PBX4: variants seen among roughly 807,000 people sequenced by gnomAD.
PBX4 encodes the protein PBX homeobox 4.
A neutral mutation model predicts 35.1 loss-of-function variants in PBX4; 26 were observed. That is an observed-to-expected ratio of 0.74 (90% confidence interval 0.54 to 1.03). The LOEUF (loss-of-function observed/expected upper bound fraction) is 1.03, where lower values mean the gene tolerates loss of function less well. PBX4 is among the 50% of genes least tolerant of loss of function. The pLI is 0.00. For synonymous variants in PBX4, 199 were observed against 204.2 expected (o/e 0.97, Z 0.22); for missense variants, 448 against 504.3 (o/e 0.89, Z 1.07).
intron 1 of PBX4, among the ~76,000 whole-genome samples, chr19:19,604,410 C>T (rs192185022): frequency 7.6e-5 from 10 of 132,374 alleles, no homozygotes; most frequent in African/African-American, 2.6e-4. Context: ...GAGGTTGCAG[C>T]GAGACAAGAT....
chr19:19,599,577 C>T (rs2061583856), intron 1 of PBX4, among the ~76,000 whole-genome samples: 1 of 152,196 alleles, frequency 6.6e-6, no homozygotes, highest in African/African-American at 2.4e-5. Context: ...GTGGCTCACG[C>T]CTGTAATCCC....
In PBX4 at chr19:19,570,439, C is replaced by T. The variant is rs2061374907; in HGVS notation, c.442-140G>A. The T allele has an allele frequency of 2.1e-6, 3 of 1,435,152 alleles. No homozygotes were observed. The Admixed American group carries it at 6.3e-5, about 30-fold the overall frequency. The allele number at this position is 1,435,152 out of a possible 1,614,324, so 88.9% of individuals were successfully genotyped here. ...GTGACTGTTAAGTAAATGGAAAGGG[C>T]TTTCAGTAACAATGGACCACCTCTG... is the stretch of plus-strand genomic sequence containing the variant. On this transcript the variant is annotated intron_variant, in intron 3 of 7. Transcript: ENST00000251203.
At chr19:19,576,924 A>T (rs866462047) in intron 2 of PBX4, among the ~76,000 whole-genome samples, 6 of 152,066 alleles carry the variant, frequency 3.9e-5, no homozygotes, top group Admixed American at 6.6e-5. Flanking sequence ...CGAGGATTTT[A>T]AAAAAATATA....
chr19:19,596,976 G>C (rs1193270793), intron 2 of PBX4, among the ~76,000 whole-genome samples: 1 of 150,220 alleles, frequency 6.7e-6, no homozygotes, highest in East Asian at 2.0e-4. Flanking sequence ...TTGGGAGGCA[G>C]ACAGGCAGGC....
In PBX4 at chr19:19,573,330, TACACACACACACACAC is replaced by T. The variant is rs397838081; in HGVS notation, c.194-2513_194-2498del. On this transcript the variant is annotated intron_variant, in intron 2 of 7. Transcript: ENST00000251203. Reference sequence around the variant, plus strand: ...CCAAAAAAAAGAAAAAAAAAAAATATACACACACACACACACACACACACACACACACACACACACA... The same window carrying T: ...CCAAAAAAAAGAAAAAAAAAAAATATACACACACACACACACACACACACA... Among the ~76,000 whole-genome samples the T allele has an allele frequency of 1.2e-3, 156 of 133,376 alleles. 1 individual carries two copies. Among genetic ancestry groups the T allele is most frequent in the Non-Finnish European group, 1.6e-3 (103 of 63,430 alleles). The allele number at this position is 133,376 out of a possible 152,430, so 87.5% of individuals were successfully genotyped here. A position where few individuals can be genotyped will look rare whatever the true frequency, so the allele number is the denominator to read the frequency against.
At chr19:19,614,691 CCAAA>C (rs965905698) in intron 1 of PBX4, among the ~76,000 whole-genome samples, 108 of 151,976 alleles carry the variant, frequency 7.1e-4, no homozygotes, top group African/African-American at 2.5e-3. Flanking sequence ...CAAAAAACAG[CCAAA>C]CAAACAAACA....
chr19:19,584,853 T>C (rs1039346295), intron 2 of PBX4, among the ~76,000 whole-genome samples: 1 of 151,820 alleles, frequency 6.6e-6, no homozygotes, highest in Non-Finnish European at 1.5e-5. Context: ...CTCGAGCTCC[T>C]GACCTCGTGA....
rs375963844 is a variant in PBX4 at position 19,570,744 on chromosome 19, T to A, written c.283A>T (p.Arg95Trp). 2 of 1,614,104 alleles carry A rather than the reference T, an allele frequency of 1.2e-6. No individual in the cohort carries two copies. The highest frequency in any genetic ancestry group is 2.2e-5 in the South Asian group (2 of 91,078). ...DNMLLAEGVC[R>W]PEKRGRGGAV... ...CCTCCTCTTCCTCTCTTCTCGGGCC[T>A]GCACACGCCCTCAGCCAGCAGCATG... The change falls in exon 3 of 8, where the codon AGG becomes TGG. Residue 95 changes from arginine to tryptophan, a missense_variant. Physicochemically the swap from Arg to Trp is moderately radical, Grantham distance 101. Coordinates refer to ENST00000251203, the MANE Select transcript of PBX4 (RefSeq NM_025245.3).
In PBX4 at chr19:19,562,145, G is replaced by A. The variant is rs1457189390; in HGVS notation, c.1033-28C>T. The A allele has an allele frequency of 3.8e-6, 6 of 1,564,010 alleles. No individual in the cohort carries two copies. Among genetic ancestry groups the A allele is most frequent in the Non-Finnish European group, 3.5e-6 (4 of 1,145,954 alleles). On this transcript the variant is annotated intron_variant, in intron 7 of 7. Transcript: ENST00000251203. The surrounding 1 kb of genome is among the most constrained non-coding windows in gnomAD (Gnocchi z 4.8). ...GAAACGACAGAGACTGAGCATCAGA[G>A]TGGGTGGCCGTGAGACTGGTGACTA...
At chr19:19,568,272 G>A (rs1285759830) in intron 5 of PBX4, among the ~76,000 whole-genome samples, 5 of 142,496 alleles carry the variant, frequency 3.5e-5, no homozygotes, top group African/African-American at 5.3e-5. Flanking sequence ...GTAACCCTCA[G>A]GGAGCTCACA....
At chr19:19,565,926 T>A (rs983885422) in intron 5 of PBX4, among the ~76,000 whole-genome samples, 1 of 151,492 alleles carries the variant, frequency 6.6e-6, no homozygotes, top group Non-Finnish European at 1.5e-5. Flanking sequence ...GAAAAAAAAA[T>A]ATATTTTTTC....
Position 19,563,831 on chromosome 19 carries a change from A to T in PBX4, c.926-216T>A, listed in dbSNP as rs1294113733. Reference sequence around the variant, plus strand: ...CTTGTCTTTTTTTTTTCTTTTTAAGACAGTCTCGCTCTGTCACCCAGGCTT... The same window carrying T: ...CTTGTCTTTTTTTTTTCTTTTTAAGTCAGTCTCGCTCTGTCACCCAGGCTT... On this transcript the variant is annotated intron_variant, in intron 6 of 7. Transcript: ENST00000251203. This position sits in a 1 kb window ranked among gnomAD's most constrained non-coding sequence, Gnocchi z 5.1. The T allele has an allele frequency of 4.3e-6, 2 of 460,470 alleles. No homozygotes were observed. The highest frequency in any genetic ancestry group is 8.0e-6 in the Non-Finnish European group (2 of 248,908). The allele number at this position is 460,470 out of a possible 1,614,324, so 28.5% of individuals were successfully genotyped here.
chr19:19,600,584 C>T lies in PBX4; in HGVS notation c.120-1219G>A, dbSNP rs149452761. Among the ~76,000 whole-genome samples, 313 of 151,776 alleles carry T rather than the reference C, an allele frequency of 2.1e-3. 1 individual carries two copies. Among genetic ancestry groups the T allele is most frequent in the African/African-American group, 6.9e-3 (284 of 41,434 alleles). ...CTGTAATCCCAGCACTTTGGGCGGC[C>T]GAGGCGGATGGATCGCCTGAGGTCA... On this transcript the variant is annotated intron_variant, in intron 1 of 7. Transcript: ENST00000251203.
intron 2 of PBX4, among the ~76,000 whole-genome samples, chr19:19,574,214 C>A (rs546597943): frequency 4.6e-5 from 7 of 152,274 alleles, no homozygotes; most frequent in African/African-American, 1.7e-4. Flanking sequence ...TATGAAAAAT[C>A]ATCACCAGGA....
intron 2 of PBX4, among the ~76,000 whole-genome samples, chr19:19,574,513 C>G (rs1468960847): frequency 6.6e-6 from 1 of 152,198 alleles, no homozygotes; most frequent in Admixed American, 6.5e-5. Flanking sequence ...GGACCCTCCT[C>G]ACCGGCTCAC....
Position 19,563,801 on chromosome 19 carries a change from C to A in PBX4, c.926-186G>T. The A allele has an allele frequency of 5.3e-6, 3 of 568,828 alleles. No individual in the cohort carries two copies. The South Asian group carries it at 5.8e-5, about 11-fold the overall frequency. 35.2% of individuals were successfully genotyped at this position (568,828 alleles called of 1,614,324 possible). On this transcript the variant is annotated intron_variant, in intron 6 of 7. Transcript: ENST00000251203. The surrounding 1 kb of genome is among the most constrained non-coding windows in gnomAD (Gnocchi z 5.1). Reference sequence around the variant, plus strand: ...CCCCACCACACTACTCATGTCCCCTCATGGCTTGTCTTTTTTTTTTCTTTT... The same window carrying A: ...CCCCACCACACTACTCATGTCCCCTAATGGCTTGTCTTTTTTTTTTCTTTT...
intron 1 of PBX4, among the ~76,000 whole-genome samples, chr19:19,617,451 T>A (rs1405314166): frequency 4.6e-5 from 7 of 152,142 alleles, no homozygotes; most frequent in Non-Finnish European, 8.8e-5. Context: ...ACTAATTTTT[T>A]AATTTTATTT....
At chr19:19,616,897 T>C (rs1424449620) in intron 1 of PBX4, among the ~76,000 whole-genome samples, 2 of 152,122 alleles carry the variant, frequency 1.3e-5, no homozygotes, top group East Asian at 3.9e-4. Context: ...TTGGCCAGGC[T>C]GGTATTGAAC....
intron 2 of PBX4, among the ~76,000 whole-genome samples, chr19:19,584,832 G>A (rs1355969688): frequency 1.3e-5 from 2 of 151,700 alleles, no homozygotes; most frequent in Non-Finnish European, 2.9e-5. Context: ...CACTATGTTG[G>A]CCAGGCTGGT....
Sources: allele counts gnomAD v4.1 joint callset (sites outside exome capture counted in the v4.1 genomes callset), GRCh38; gene constraint gnomAD v4.1.1; non-coding constraint Gnocchi (gnomAD v3.1); transcripts MANE v1.5; gene names NCBI Gene and HGNC (gene_info 2026-07-23, HGNC 2026-07-21).